The following ABLIM1 variants were observed in gnomAD, a reference collection of about 807,000 sequenced individuals.
ABLIM1 encodes actin-binding LIM protein 1.
A neutral mutation model predicts 107.0 loss-of-function variants in ABLIM1; 40 were observed. The observed-to-expected ratio is 0.37, with a 90% CI of 0.29 to 0.49. ABLIM1 has a LOEUF of 0.49. ABLIM1 is among the 20% of genes least tolerant of loss of function. ABLIM1 has a pLI of 0.97. For missense variants in ABLIM1, 857 were observed against 1,008.5 expected (o/e 0.85, Z 2.04); for synonymous variants, 357 against 357.3 (o/e 1.00, Z 0.01).
chr10:114,759,658 T>C (rs1015901335), intron 1 of ABLIM1, among the ~76,000 whole-genome samples: 1 of 152,086 alleles, frequency 6.6e-6, no homozygotes, highest in African/African-American at 2.4e-5. Context: ...CAGCCTAAGA[T>C]TTAAGTTTAA....
In ABLIM1 at chr10:114,436,140, T is replaced by G; in HGVS notation, c.*120A>C. The stretch of plus-strand genomic sequence containing the variant: ...GGTGTTTTAACCAGACTTTCTCTTT[T>G]TGGTGTTGCTGAGCGACGGTAGTTT... On this transcript the variant is annotated 3_prime_UTR_variant, in exon 23 of 23. Coordinates refer to ENST00000533213, the MANE Select transcript of ABLIM1 (RefSeq NM_002313.7). The G allele has an allele frequency of 4.3e-6, 3 of 703,470 alleles. No homozygotes were observed. The South Asian group carries it at 5.8e-5, about 14-fold the overall frequency. 43.6% of individuals were successfully genotyped at this position (703,470 alleles called of 1,614,324 possible). A position where few individuals can be genotyped will look rare whatever the true frequency, so the allele number is the denominator to read the frequency against.
At chr10:114,452,932 G>A (rs955174444) in intron 13 of ABLIM1, among the ~76,000 whole-genome samples, 1 of 152,268 alleles carries the variant, frequency 6.6e-6, no homozygotes, top group South Asian at 2.1e-4. Context: ...AAAGTCCTTG[G>A]AGAAAGTCTC....
chr10:114,678,856 A>G (rs1188298621), intron 1 of ABLIM1, among the ~76,000 whole-genome samples: 1 of 152,150 alleles, frequency 6.6e-6, no homozygotes, highest in East Asian at 1.9e-4. Flanking sequence ...AGGTTAACTG[A>G]GCATAATAAT....
the ABLIM1 span, among the ~76,000 whole-genome samples, chr10:114,798,726 G>C: frequency 6.6e-6 from 1 of 152,138 alleles, no homozygotes; most frequent in South Asian, 2.1e-4. Flanking sequence ...GGGTGACAAA[G>C]CAAGACCCTG....
intron 8 of ABLIM1, chr10:114,485,418 G>T (rs369165039): frequency 1.3e-6 from 2 of 1,533,014 alleles, no homozygotes; most frequent in South Asian, 2.3e-5. Context: ...AACGAACACA[G>T]AAATAGCCTC....
At chr10:114,449,156 G>A (rs142371801) in intron 14 of ABLIM1, among the ~76,000 whole-genome samples, 186 of 152,280 alleles carry the variant, frequency 1.2e-3, no homozygotes, top group African/African-American at 4.0e-3. Flanking sequence ...CTTAGAGGAG[G>A]AGTCACAGCT....
intron 1 of ABLIM1, among the ~76,000 whole-genome samples, chr10:114,624,694 A>T (rs931121205): frequency 6.6e-6 from 1 of 152,168 alleles, no homozygotes; most frequent in Non-Finnish European, 1.5e-5. Context: ...ATATCGTAGA[A>T]ATGACATCTT....
intron 1 of ABLIM1, among the ~76,000 whole-genome samples, chr10:114,703,921 A>G (rs1438636513): frequency 1.3e-5 from 2 of 152,112 alleles, no homozygotes; most frequent in Non-Finnish European, 2.9e-5. Context: ...TTTCAGCATC[A>G]ATGTAAAGGA....
intron 1 of ABLIM1, among the ~76,000 whole-genome samples, chr10:114,621,258 T>C (rs116755843): frequency 1.9e-3 from 291 of 152,352 alleles, no homozygotes; most frequent in African/African-American, 6.7e-3. Context: ...TAGTTCCCCT[T>C]TGAGTACATT....
intron 6 of ABLIM1, among the ~76,000 whole-genome samples, chr10:114,544,660 T>G (rs1269752128): frequency 1.3e-5 from 2 of 152,198 alleles, no homozygotes; most frequent in Non-Finnish European, 2.9e-5. Flanking sequence ...TATGCACACA[T>G]GCACACATGG....
Position 114,707,142 on chromosome 10 carries a change from G to A in ABLIM1, c.-213+60919C>T, listed in dbSNP as rs532318004. ...TATCAAAAATACTGTCATTTCAAAC[G>A]TGGTCAATGACCACATGTGATGAGT... On this transcript the variant is annotated intron_variant, in intron 1 of 15. Coordinates refer to the ABLIM1 transcript ENST00000651092. The surrounding 1 kb of genome is among the most constrained non-coding windows in gnomAD (Gnocchi z 4.1). Among the ~76,000 whole-genome samples, 23 of 152,080 alleles carry A rather than the reference G, an allele frequency of 1.5e-4. No homozygotes were observed. Among genetic ancestry groups the A allele is most frequent in the Non-Finnish European group, 2.5e-4 (17 of 67,984 alleles).
At chr10:114,437,007 T>C (rs1370906603) in intron 22 of ABLIM1, among the ~76,000 whole-genome samples, 1 of 152,188 alleles carries the variant, frequency 6.6e-6, no homozygotes, top group Non-Finnish European at 1.5e-5. Flanking sequence ...AAAATTAGTC[T>C]TCCATGTCTA....
chr10:114,780,598 T>C, the ABLIM1 span, among the ~76,000 whole-genome samples: 1 of 152,250 alleles, frequency 6.6e-6, no homozygotes, highest in South Asian at 2.1e-4. Context: ...TCCTTGGAAG[T>C]TCAGATAAAC....
intron 4 of ABLIM1, among the ~76,000 whole-genome samples, chr10:114,559,438 C>CAAAAAAAAAAA (rs72456292): frequency 1.2e-4 from 6 of 49,352 alleles, no homozygotes; most frequent in Non-Finnish European, 1.9e-4. Context: ...ACTCGTCTCT[C>CAAAAAAAAAAA]AAAAAAAAAA....
chr10:114,439,612 ATTTC>A (rs775558401), intron 20 of ABLIM1: 1 of 378,722 alleles, frequency 2.6e-6, no homozygotes. Context: ...TCTCCATCAC[ATTTC>A]TTTCTTTCTT....
chr10:114,679,697 A>G (rs1019544761), intron 1 of ABLIM1, among the ~76,000 whole-genome samples: 8 of 152,012 alleles, frequency 5.3e-5, no homozygotes, highest in Non-Finnish European at 8.8e-5. Context: ...TTATTCAACC[A>G]TGAAACATAA....
At chr10:114,463,388 ACT>A in intron 12 of ABLIM1, among the ~76,000 whole-genome samples, 1 of 151,898 alleles carries the variant, frequency 6.6e-6, no homozygotes, top group Non-Finnish European at 1.5e-5. Context: ...GTACAGAGTC[ACT>A]CTCTGAGAAT....
the ABLIM1 span, chr10:114,778,801 G>C: frequency 6.6e-6 from 1 of 152,210 alleles, no homozygotes; most frequent in Middle Eastern, 3.4e-3. Flanking sequence ...TCACAGTTCT[G>C]TGTAATCCCA....
chr10:114,700,273 C>T (rs373062125), intron 1 of ABLIM1, among the ~76,000 whole-genome samples: 32 of 152,252 alleles, frequency 2.1e-4, no homozygotes, highest in African/African-American at 7.7e-4. Flanking sequence ...CAAATAATCA[C>T]TGAGGTAAAT....
Sources: gnomAD v4.1 joint callset for allele counts (sites outside exome capture counted in the v4.1 genomes callset) on GRCh38, gnomAD v4.1.1 for gene constraint, Gnocchi (gnomAD v3.1) non-coding constraint, MANE v1.5 for transcripts, NCBI Gene and HGNC (gene_info 2026-07-23, HGNC 2026-07-21) for gene names.